The following SHISA9 variants were observed in gnomAD, a reference collection of about 807,000 sequenced individuals.
SHISA9 encodes shisa family member 9, also known as protein shisa-9.
Under a neutral mutation model 38.0 loss-of-function variants are expected in SHISA9, and 13 were observed. The observed-to-expected ratio is 0.34, with a 90% confidence interval of 0.22 to 0.54. The LOEUF (loss-of-function observed/expected upper bound fraction) is 0.54, where lower values mean the gene tolerates loss of function less well. Ranked by LOEUF, SHISA9 falls within the 20% of genes least tolerant of loss-of-function variation. SHISA9 has a pLI of 0.91. For synonymous variants in SHISA9, 275 were observed against 242.0 expected (o/e 1.14, Z -1.27); for missense variants, 538 against 575.8 (o/e 0.93, Z 0.67).
At chr16:13,211,990 T>C (rs2051124541) in intron 3 of SHISA9, among the ~76,000 whole-genome samples, 2 of 152,208 alleles carry the variant, frequency 1.3e-5, no homozygotes. Context: ...TTCTCTCTTC[T>C]GTTGCTCCAA....
the SHISA9 span, among the ~76,000 whole-genome samples, chr16:13,247,584 T>A: frequency 3.3e-5 from 5 of 152,066 alleles, no homozygotes; most frequent in African/African-American, 1.2e-4. Context: ...GTTAAATAAA[T>A]AAATAAATAA....
chr16:13,145,742 C>T (rs1344532192), intron 2 of SHISA9, among the ~76,000 whole-genome samples: 4 of 152,172 alleles, frequency 2.6e-5, no homozygotes, highest in Non-Finnish European at 5.9e-5. Flanking sequence ...TTGCAATCTG[C>T]CAGTAGGTGC....
At chr16:13,519,460 C>T in the SHISA9 span, among the ~76,000 whole-genome samples, 24 of 152,226 alleles carry the variant, frequency 1.6e-4, no homozygotes, top group East Asian at 3.9e-3. Flanking sequence ...AACATAAATG[C>T]CATTGCCAAA....
the SHISA9 span, among the ~76,000 whole-genome samples, chr16:13,366,982 CAAAA>C: frequency 1.6e-4 from 15 of 92,502 alleles, no homozygotes; most frequent in South Asian, 3.6e-4. Flanking sequence ...GGCTCCATCT[CAAAA>C]AAAAAAAAAA....
At chr16:13,206,292 C>T (rs771347314) in intron 3 of SHISA9, among the ~76,000 whole-genome samples, 32 of 152,280 alleles carry the variant, frequency 2.1e-4, no homozygotes, top group Admixed American at 4.6e-4. Flanking sequence ...ACCCCACAAA[C>T]CATATACTTT....
chr16:13,301,050 C>T, the SHISA9 span, among the ~76,000 whole-genome samples: 2 of 152,044 alleles, frequency 1.3e-5, no homozygotes, highest in Non-Finnish European at 2.9e-5. Context: ...TCTTTCCCTT[C>T]TTTCAAAAAT....
the SHISA9 span, among the ~76,000 whole-genome samples, chr16:13,259,172 C>T: frequency 6.6e-6 from 1 of 152,170 alleles, no homozygotes; most frequent in African/African-American, 2.4e-5. Flanking sequence ...AAAGGGGTTA[C>T]AGGGCCCATG....
chr16:12,924,890 C>G (rs953748959), intron 2 of SHISA9, among the ~76,000 whole-genome samples: 1 of 152,188 alleles, frequency 6.6e-6, no homozygotes, highest in Non-Finnish European at 1.5e-5. Flanking sequence ...TTCTCTGAAC[C>G]TCAGTTTCCC....
At chr16:12,979,660 G>A (rs2072214374) in intron 2 of SHISA9, among the ~76,000 whole-genome samples, 1 of 151,854 alleles carries the variant, frequency 6.6e-6, no homozygotes, top group South Asian at 2.1e-4. Context: ...ATTATCCTTT[G>A]GAATTTTCTT....
chr16:13,124,753 C>T (rs751620728), intron 2 of SHISA9, among the ~76,000 whole-genome samples: 1 of 152,138 alleles, frequency 6.6e-6, no homozygotes, highest in Non-Finnish European at 1.5e-5. Flanking sequence ...TAGCATGGCA[C>T]TGGCATAAAA....
At chr16:12,942,315 TGA>T (rs1413290097) in intron 2 of SHISA9, among the ~76,000 whole-genome samples, 22 of 152,208 alleles carry the variant, frequency 1.4e-4, no homozygotes, top group Non-Finnish European at 3.1e-4. Context: ...AGAAATGGGC[TGA>T]GAGTCAGTTG....
the SHISA9 span, among the ~76,000 whole-genome samples, chr16:13,526,737 C>T: frequency 3.9e-5 from 6 of 152,178 alleles, no homozygotes; most frequent in East Asian, 9.7e-4. Context: ...TTAGCCTCAC[C>T]TTAGAATATT....
intron 2 of SHISA9, among the ~76,000 whole-genome samples, chr16:12,933,938 A>G (rs2071494108): frequency 6.6e-6 from 1 of 152,192 alleles, no homozygotes; most frequent in South Asian, 2.1e-4. Flanking sequence ...AGGTGATGGG[A>G]GAAAAAATAA....
At chr16:12,909,641 C>T in intron 1 of SHISA9, 1 of 979,724 alleles carries the variant, frequency 1.0e-6, no homozygotes, top group Non-Finnish European at 1.2e-6. Flanking sequence ...AGGGTCCCAG[C>T]TCCAATGTCA....
chr16:13,254,502 C>T, the SHISA9 span, among the ~76,000 whole-genome samples: 3 of 152,208 alleles, frequency 2.0e-5, no homozygotes, highest in Non-Finnish European at 4.4e-5. Flanking sequence ...GACTCTGAGA[C>T]ACCCAATTAG....
chr16:13,194,614 A>G (rs2050919532), intron 2 of SHISA9, among the ~76,000 whole-genome samples: 1 of 152,210 alleles, frequency 6.6e-6, no homozygotes, highest in African/African-American at 2.4e-5. Flanking sequence ...ATCATTATCA[A>G]TATCATCATT....
chr16:13,145,047 C>A (rs1352232034), intron 2 of SHISA9, among the ~76,000 whole-genome samples: 1 of 152,148 alleles, frequency 6.6e-6, no homozygotes, highest in Non-Finnish European at 1.5e-5. Context: ...GTTTCTTCGA[C>A]CCTATTGTTT....
chr16:13,080,232 G>A (rs1430400629), intron 2 of SHISA9, among the ~76,000 whole-genome samples: 1 of 152,162 alleles, frequency 6.6e-6, no homozygotes, highest in African/African-American at 2.4e-5. Flanking sequence ...AATTAGCTGG[G>A]CGTGGTGGTG....
At chr16:13,262,067 T>C in the SHISA9 span, among the ~76,000 whole-genome samples, 1,809 of 152,192 alleles carry the variant, frequency 0.012, 69 homozygotes, top group Admixed American at 0.089. Context: ...ACTCAGAAAA[T>C]TGAGATAAGA....
Sources: allele counts gnomAD v4.1 joint callset (sites outside exome capture counted in the v4.1 genomes callset), GRCh38; gene constraint gnomAD v4.1.1; transcripts MANE v1.5; gene names NCBI Gene and HGNC (gene_info 2026-07-23, HGNC 2026-07-21).